The following SLC47A1 variants were observed in gnomAD, a reference collection of about 807,000 sequenced individuals.
SLC47A1 encodes multidrug and toxin extrusion protein 1.
A neutral mutation model predicts 65.8 loss-of-function variants in SLC47A1; 58 were observed. That is an observed-to-expected ratio of 0.88 (90% CI 0.71 to 1.10). The LOEUF (loss-of-function observed/expected upper bound fraction) is 1.10. SLC47A1 is among the 50% of genes least tolerant of loss of function. SLC47A1 has a pLI of 0.00. For missense variants in SLC47A1, 706 were observed against 719.2 expected (o/e 0.98, Z 0.21); for synonymous variants, 285 against 295.0 (o/e 0.97, Z 0.35).
chr17:19,542,777 A>G (rs1197232756), intron 2 of SLC47A1, among the ~76,000 whole-genome samples: 5 of 140,990 alleles, frequency 3.5e-5, no homozygotes, highest in African/African-American at 1.3e-4. Flanking sequence ...CATTTATTTT[A>G]TTTTATTTTA....
Position 19,577,314 on chromosome 17 carries a change from T to A in SLC47A1, c.1487-13T>A, listed in dbSNP as rs1297070941. 1 of 1,612,314 alleles carries A rather than the reference T, an allele frequency of 6.2e-7. No individual in the cohort carries two copies. Among genetic ancestry groups the A allele is most frequent in the Admixed American group, 1.7e-5 (1 of 59,752 alleles). On this transcript the variant is annotated splice_polypyrimidine_tract_variant and intron_variant, in intron 16 of 16. Coordinates refer to ENST00000270570, the MANE Select transcript of SLC47A1 (RefSeq NM_018242.3). ...AATCCCTTTTAAGCTGCTAAGTTCC[T>A]TTTTCCTCCCAGGGTGCCCTGAAAA...
intron 6 of SLC47A1, among the ~76,000 whole-genome samples, chr17:19,552,239 T>C (rs2059119444): frequency 6.6e-6 from 1 of 152,180 alleles, no homozygotes; most frequent in African/African-American, 2.4e-5. Context: ...TATGGGGTCT[T>C]GCTATGTTGC....
chr17:19,546,000 A>T (rs537458123), intron 2 of SLC47A1, among the ~76,000 whole-genome samples: 2 of 152,164 alleles, frequency 1.3e-5, no homozygotes, highest in South Asian at 4.2e-4. Flanking sequence ...AGGCGGGTGG[A>T]TCACGAGGTC....
chr17:19,578,005 G>C lies in SLC47A1; in HGVS notation c.*452G>C. 1 of 1,262,744 alleles carries C rather than the reference G, an allele frequency of 7.9e-7. No homozygotes were observed. Among genetic ancestry groups the C allele is most frequent in the South Asian group, 1.2e-5 (1 of 80,040 alleles). The allele number at this position is 1,262,744 out of a possible 1,614,324, so 78.2% of individuals were successfully genotyped here. On this transcript the variant is annotated 3_prime_UTR_variant, in exon 17 of 17. Transcript: ENST00000270570. ...TGTTTTAATTTTTTTTTTAATAGACGGAAGTCTTGCTCTGTCATGCAGGCT... is the reference window on the plus strand; with the variant it reads ...TGTTTTAATTTTTTTTTTAATAGACCGAAGTCTTGCTCTGTCATGCAGGCT...
chr17:19,551,838 G>A (rs1209076262), intron 6 of SLC47A1, among the ~76,000 whole-genome samples: 1 of 152,212 alleles, frequency 6.6e-6, no homozygotes, highest in Non-Finnish European at 1.5e-5. Flanking sequence ...CAGGCTGGGG[G>A]CAGCTCGTCT....
At chr17:19,534,096 G>T in intron 1 of SLC47A1, 22 bp downstream of exon 1, 1 of 1,513,434 alleles carries the variant, frequency 6.6e-7, no homozygotes, top group Non-Finnish European at 8.9e-7. Context: ...GGCCTCAGTG[G>T]CAGGCCGGTA....
intron 12 of SLC47A1, among the ~76,000 whole-genome samples, chr17:19,561,604 C>T (rs2084311718): frequency 6.8e-6 from 1 of 147,832 alleles, no homozygotes; most frequent in South Asian, 2.1e-4. Context: ...GATCCCGCCA[C>T]TGCACTCCAG....
chr17:19,547,913 T>G, intron 3 of SLC47A1, 72 bp from the exon 4 acceptor site: 1 of 1,472,088 alleles, frequency 6.8e-7, no homozygotes, highest in South Asian at 1.5e-5. Flanking sequence ...GTGGCACAAT[T>G]GAAGGCTTTT....
intron 5 of SLC47A1, among the ~76,000 whole-genome samples, chr17:19,550,188 C>T (rs185651123): frequency 1.2e-3 from 181 of 152,312 alleles, no homozygotes; most frequent in Non-Finnish European, 2.1e-3. Context: ...GTGGGATCGT[C>T]ATAGCTCACT....
chr17:19,576,458 C>T (rs760528639), intron 16 of SLC47A1, among the ~76,000 whole-genome samples: 52 of 150,876 alleles, frequency 3.4e-4, no homozygotes, highest in African/African-American at 1.2e-3. Context: ...TCAAGTGATC[C>T]TCCCACCTCA....
Position 19,542,481 on chromosome 17 carries a change from C to T in SLC47A1, c.224C>T (p.Thr75Met), listed in dbSNP as rs143217368. ...GGCAAGCTGGAGCTGGATGCAGTCA[C>T]GCTGGCAATCGCGGTACGTGTGGGC... is the stretch of plus-strand genomic sequence containing the variant. Reference protein sequence around the residue: ...HLGKLELDAVTLAIAVINVTG... With the variant: ...HLGKLELDAVMLAIAVINVTG... Residue 75 changes from threonine to methionine, a missense_variant, in exon 2 of 17, where the codon ACG (threonine) becomes ATG (methionine). Physicochemically the swap from Thr to Met is moderately conservative, Grantham distance 81 (BLOSUM62 -1). Transcript: ENST00000270570. The T allele has an allele frequency of 6.8e-6, 11 of 1,611,854 alleles. No individual in the cohort carries two copies. The highest frequency in any genetic ancestry group is 1.1e-5 in the South Asian group (1 of 90,758).
chr17:19,566,648 C>T, intron 12 of SLC47A1, 142 bp from the exon 13 acceptor site: 1 of 676,500 alleles, frequency 1.5e-6, no homozygotes, highest in Non-Finnish European at 2.6e-6. Context: ...TGGTCTCAAA[C>T]TCCTGACCTC....
chr17:19,566,071 G>A (rs894794088), intron 12 of SLC47A1, among the ~76,000 whole-genome samples: 1 of 152,176 alleles, frequency 6.6e-6, no homozygotes. Context: ...TGGTATCACA[G>A]TGCTAGTAAT....
intron 2 of SLC47A1, among the ~76,000 whole-genome samples, chr17:19,543,270 TGGC>T: frequency 6.6e-6 from 1 of 151,978 alleles, no homozygotes; most frequent in African/African-American, 2.4e-5. Context: ...CCACCATGTC[TGGC>T]TAATTTTTGT....
rs2084458174 is a variant in SLC47A1 at position 19,578,602 on chromosome 17, C to T, written c.*1049C>T. The T allele has an allele frequency of 6.5e-6, 1 of 153,372 alleles. No homozygotes were observed. The highest frequency in any genetic ancestry group is 6.5e-5 in the Admixed American group (1 of 15,426). The allele number at this position is 153,372 out of a possible 1,614,324, so 9.5% of individuals were successfully genotyped here. On this transcript the variant is annotated 3_prime_UTR_variant, in exon 17 of 17. Coordinates refer to ENST00000270570, the MANE Select transcript of SLC47A1 (RefSeq NM_018242.3). ...TTAATTCAGCAACCCTCAGTACATA[C>T]TAAGTATGCTCAGTGCTGTGAAAGT...
At chr17:19,552,295 A>C (rs758743476) in intron 6 of SLC47A1, among the ~76,000 whole-genome samples, 5 of 152,222 alleles carry the variant, frequency 3.3e-5, no homozygotes, top group Non-Finnish European at 7.3e-5. Flanking sequence ...CTCCTGCCTC[A>C]GTCTCCAAAA....
chr17:19,542,040 G>T (rs937075767), intron 1 of SLC47A1, among the ~76,000 whole-genome samples: 4 of 152,126 alleles, frequency 2.6e-5, no homozygotes, highest in Non-Finnish European at 5.9e-5. Flanking sequence ...CAGGAGAATT[G>T]CTTGAACCTG....
chr17:19,541,881 C>T (rs1354643189), intron 1 of SLC47A1, among the ~76,000 whole-genome samples: 1 of 152,188 alleles, frequency 6.6e-6, no homozygotes. Context: ...AATCCCAGCA[C>T]TTTGGGAGGC....
intron 1 of SLC47A1, among the ~76,000 whole-genome samples, chr17:19,537,461 G>C (rs1318278057): frequency 6.6e-6 from 1 of 152,224 alleles, no homozygotes; most frequent in Non-Finnish European, 1.5e-5. Context: ...GCCCGAGGAG[G>C]GGAAGACCTA....
Sources: gnomAD v4.1 joint callset for allele counts (sites outside exome capture counted in the v4.1 genomes callset) on GRCh38, gnomAD v4.1.1 for gene constraint, MANE v1.5 for transcripts, NCBI Gene and HGNC (gene_info 2026-07-23, HGNC 2026-07-21) for gene names.